The following BACC1 variants were observed in gnomAD, a reference collection of about 807,000 sequenced individuals.
BACC1 encodes the protein BPTF-associated chromatin complex component 1.
the BACC1 span, chr17:7,017,476 C>G: frequency 2.7e-6 from 2 of 737,310 alleles, no homozygotes; most frequent in Non-Finnish European, 2.5e-6. Flanking sequence ...TGACCTTCAT[C>G]TGATGGACAT....
the BACC1 span, chr17:7,016,331 C>A: frequency 1.6e-5 from 11 of 688,864 alleles, no homozygotes; most frequent in African/African-American, 2.0e-4. Context: ...CTCCATCCAT[C>A]CTGAGTGAGT....
the BACC1 span, chr17:7,017,102 C>A: frequency 6.5e-7 from 1 of 1,531,488 alleles, no homozygotes; most frequent in South Asian, 1.1e-5. Flanking sequence ...GCAGGGGCCC[C>A]TCCCTTGTAT....
At chr17:7,015,134 G>A in the BACC1 span, 1 of 1,586,502 alleles carries the variant, frequency 6.3e-7, no homozygotes, top group Non-Finnish European at 8.5e-7. Context: ...GCTGCATCCC[G>A]TGGCCGACTC....
chr17:7,015,571 TTTC>T, the BACC1 span: 4 of 1,418,822 alleles, frequency 2.8e-6, no homozygotes, highest in East Asian at 1.0e-4. Flanking sequence ...GTGGTTGTGA[TTTC>T]TTGTGATTGG....
chr17:7,016,574 G>A, the BACC1 span: 1 of 1,614,206 alleles, frequency 6.2e-7, no homozygotes. Context: ...ACCCAAGAAA[G>A]GGCCCAAGAA....
chr17:7,014,912 G>C, the BACC1 span: 2 of 1,507,656 alleles, frequency 1.3e-6, no homozygotes, highest in African/African-American at 2.9e-5. This position sits in a 1 kb window ranked among gnomAD's most constrained non-coding sequence, Gnocchi z 4.5. Flanking sequence ...GCTCCCTGGC[G>C]GCCACGGGAG....
chr17:7,014,795 T>G, the BACC1 span: 48 of 1,518,650 alleles, frequency 3.2e-5, no homozygotes, highest in South Asian at 8.5e-5. The surrounding 1 kb of genome is among the most constrained non-coding windows in gnomAD (Gnocchi z 4.5). Context: ...CTCCCTGCTC[T>G]CCGTGGTCCC....
At chr17:7,015,219 C>A in the BACC1 span, 2 of 1,498,206 alleles carry the variant, frequency 1.3e-6, no homozygotes, top group Admixed American at 2.4e-5. Flanking sequence ...GTCACAGACA[C>A]GGACCCTCTC....
the BACC1 span, chr17:7,014,827 G>C: frequency 1.3e-6 from 2 of 1,527,538 alleles, no homozygotes; most frequent in Non-Finnish European, 1.8e-6. This position sits in a 1 kb window ranked among gnomAD's most constrained non-coding sequence, Gnocchi z 4.5. Flanking sequence ...AGCGGCGGCG[G>C]CGGCGTCTCC....
the BACC1 span, chr17:7,017,173 C>T: frequency 6.3e-7 from 1 of 1,583,140 alleles, no homozygotes; most frequent in Non-Finnish European, 8.7e-7. Context: ...CAGTACGTAG[C>T]AGGGTGTTTC....
the BACC1 span, chr17:7,015,113 C>T: frequency 6.3e-6 from 10 of 1,582,334 alleles, no homozygotes; most frequent in Non-Finnish European, 6.8e-6. Flanking sequence ...GCTCGGGGAG[C>T]TGACGATGCA....
the BACC1 span, chr17:7,016,267 G>A: frequency 1.8e-6 from 1 of 561,656 alleles, no homozygotes; most frequent in South Asian, 2.3e-5. Context: ...TCCCAGAAGA[G>A]AATTAGGAGA....
chr17:7,017,501 CAA>C, the BACC1 span: 2 of 718,540 alleles, frequency 2.8e-6, no homozygotes, highest in African/African-American at 3.5e-5. Flanking sequence ...ATACAGAAAA[CAA>C]TAAAGATTTC....
At chr17:7,016,902 C>T in the BACC1 span, 12 of 1,611,204 alleles carry the variant, frequency 7.4e-6, no homozygotes, top group East Asian at 2.5e-4. Flanking sequence ...CTTATGCCCC[C>T]TTCCCAGATG....
At chr17:7,016,563 C>T in the BACC1 span, 4 of 1,614,194 alleles carry the variant, frequency 2.5e-6, no homozygotes, top group Admixed American at 3.3e-5. Context: ...CCAGCTGAGT[C>T]ACCCAAGAAA....
the BACC1 span, chr17:7,015,103 G>C: frequency 9.5e-6 from 15 of 1,578,652 alleles, no homozygotes; most frequent in Non-Finnish European, 4.3e-6. Context: ...CCTTCACGAA[G>C]CTCGGGGAGC....
At chr17:7,017,217 G>A in the BACC1 span, 26 of 1,614,048 alleles carry the variant, frequency 1.6e-5, no homozygotes, top group East Asian at 5.8e-4. Flanking sequence ...AGCACACTGG[G>A]GGCTCGCTCC....
At chr17:7,015,272 G>A in the BACC1 span, 3 of 1,416,004 alleles carry the variant, frequency 2.1e-6, no homozygotes, top group Non-Finnish European at 2.8e-6. Context: ...GCGTGGCACA[G>A]CACAGAGTCG....
the BACC1 span, chr17:7,015,489 C>G: frequency 4.4e-6 from 6 of 1,367,646 alleles, no homozygotes; most frequent in Non-Finnish European, 5.6e-6. Context: ...CCCTTCCTGG[C>G]GAGTTGGTTT....
Sources: gnomAD v4.1 joint callset for allele counts on GRCh38, gnomAD v4.1.1 for gene constraint, Gnocchi (gnomAD v3.1) non-coding constraint, MANE v1.5 for transcripts, NCBI Gene and HGNC (gene_info 2026-07-23, HGNC 2026-07-21) for gene names.